The following BAAT variants were observed in gnomAD, a reference collection of about 807,000 sequenced individuals.
BAAT encodes bile acid-CoA:amino acid N-acyltransferase.
A neutral mutation model predicts 18.9 loss-of-function variants in BAAT; 13 were observed. The observed-to-expected ratio is 0.69, with a 90% CI of 0.45 to 1.10. BAAT has a LOEUF of 1.10. Ranked by LOEUF, BAAT falls within the 50% of genes least tolerant of loss-of-function variation. The probability of loss-of-function intolerance (pLI) is 0.00; values close to 1 mark genes in which losing one functional copy is unlikely to be tolerated. For missense variants in BAAT, 489 were observed against 504.0 expected, an observed-to-expected ratio of 0.97 and a Z score of 0.28; for synonymous variants, 170 against 190.7, an observed-to-expected ratio of 0.89 and a Z score of 0.89.
chr9:101,378,769 A>C (rs537098235), intron 1 of BAAT, among the ~76,000 whole-genome samples: 1 of 152,212 alleles, frequency 6.6e-6, no homozygotes, highest in Non-Finnish European at 1.5e-5. Flanking sequence ...CAGCAAAAGA[A>C]ACTATCATCA....
rs1409799404 is a variant in BAAT, at chr9:101,361,724, A to G, written c.*704T>C. On this transcript the variant is annotated 3_prime_UTR_variant, in exon 4 of 4. Coordinates refer to ENST00000259407, the MANE Select transcript of BAAT (RefSeq NM_001701.4). The stretch of plus-strand genomic sequence containing the variant: ...CTTTTATTAATTTTATTTTTAATAC[A>G]GATTTTCAGTAAGGGGCATTTTCAA... 1.3e-5 allele frequency: 2 copies of G among 152,648 alleles called. No individual in the cohort carries two copies. The highest frequency in any genetic ancestry group is 2.9e-5 in the Non-Finnish European group (2 of 68,078). 9.5% of individuals were successfully genotyped at this position (152,648 alleles called of 1,614,324 possible). A position where few individuals can be genotyped will look rare whatever the true frequency, so the allele number is the denominator to read the frequency against.
intron 1 of BAAT, among the ~76,000 whole-genome samples, chr9:101,371,682 C>T (rs982581729): frequency 3.9e-5 from 6 of 151,960 alleles, no homozygotes; most frequent in African/African-American, 1.5e-4. Flanking sequence ...AATAATGAAC[C>T]ACTGTTAAAG....
intron 1 of BAAT, among the ~76,000 whole-genome samples, chr9:101,383,075 G>C (rs1472553057): frequency 2.0e-5 from 3 of 152,138 alleles, no homozygotes; most frequent in African/African-American, 7.2e-5. Flanking sequence ...CCCAGAATAG[G>C]AGGGCTTATT....
chr9:101,379,855 C>G lies in BAAT; in HGVS notation c.-60+5000G>C, dbSNP rs1204325555. 3.3e-5 allele frequency among the ~76,000 whole-genome samples: 5 copies of G among 152,222 alleles called. No individual in the cohort carries two copies. In the East Asian group the frequency reaches 9.7e-4, roughly 29 times the overall value. The stretch of plus-strand genomic sequence containing the variant: ...CAAATTCTGTTTTTGATTGTAGTCC[C>G]TTGTGTGCATATTAATGTTATTTAT... On this transcript the variant is annotated intron_variant, in intron 1 of 3. Coordinates refer to ENST00000259407, the MANE Select transcript of BAAT (RefSeq NM_001701.4).
rs570341484 is a variant in BAAT, at chr9:101,361,264, G to A, written c.*1164C>T. 13 of 154,388 alleles carry A rather than the reference G, an allele frequency of 8.4e-5. No individual in the cohort carries two copies. The Middle Eastern group carries it at 5.3e-3, about 63-fold the overall frequency. 9.6% of individuals were successfully genotyped at this position (154,388 alleles called of 1,614,324 possible). ...TTAACTGACCCACTATATTCCTCAA[G>A]GATACTGCATTTGGACATAATACAA... On this transcript the variant is annotated 3_prime_UTR_variant, in exon 4 of 4. Coordinates refer to ENST00000259407, the MANE Select transcript of BAAT (RefSeq NM_001701.4).
chr9:101,362,973 C>A lies in BAAT; in HGVS notation c.712G>T (p.Val238Leu). 6.2e-7 allele frequency: 1 copy of A among 1,614,000 alleles called. No individual in the cohort carries two copies. The highest frequency in any genetic ancestry group is 8.5e-7 in the Non-Finnish European group (1 of 1,179,968). The change falls in exon 4 of 4, where the codon GTA (valine) becomes TTA (leucine). Residue 238 changes from valine to leucine, a missense_variant. By Grantham distance (32) the Val-to-Leu change is conservative (BLOSUM62 1). Coordinates refer to ENST00000259407, the MANE Select transcript of BAAT (RefSeq NM_001701.4). ...ATAGCCATAGATAGTCCAATCTGTA[C>A]TCCTTGACATACAGAGACTACCCCA... is the stretch of plus-strand genomic sequence containing the variant. ...GVGVVSVCQGVQIGLSMAIYL... is the reference protein window; with the variant it reads ...GVGVVSVCQGLQIGLSMAIYL...
intron 1 of BAAT, chr9:101,375,503 G>C (rs1830024216): frequency 6.3e-6 from 1 of 158,812 alleles, no homozygotes; most frequent in South Asian, 1.9e-4. Flanking sequence ...CGTTATGTCA[G>C]ATTGCTTCCA....
At chr9:101,378,423 T>G (rs1257256279) in intron 1 of BAAT, among the ~76,000 whole-genome samples, 2 of 151,966 alleles carry the variant, frequency 1.3e-5, no homozygotes, top group Non-Finnish European at 2.9e-5. Context: ...GAAATAACAC[T>G]ACACATCTAC....
intron 1 of BAAT, among the ~76,000 whole-genome samples, chr9:101,372,523 CT>C (rs1027529924): frequency 6.6e-6 from 1 of 151,390 alleles, no homozygotes; most frequent in African/African-American, 2.4e-5. Flanking sequence ...TGCCCATCTC[CT>C]TTTGATTAGT....
chr9:101,367,509 T>G (rs1401214471), intron 3 of BAAT, among the ~76,000 whole-genome samples: 1 of 151,906 alleles, frequency 6.6e-6, no homozygotes, highest in African/African-American at 2.4e-5. Context: ...ATCCTTTTTT[T>G]TTTTTTGCTT....
chr9:101,364,250 G>GC (rs1371609991), intron 3 of BAAT, among the ~76,000 whole-genome samples: 6 of 151,456 alleles, frequency 4.0e-5, no homozygotes, highest in African/African-American at 1.2e-4. Context: ...GACTTTTTTT[G>GC]CCCCCCGTGC....
rs1829736870 is a variant in BAAT, at chr9:101,362,148, T to C, written c.*280A>G. The C allele has an allele frequency of 1.1e-5, 6 of 538,232 alleles. No homozygotes were observed. Among genetic ancestry groups the C allele is most frequent in the Non-Finnish European group, 2.0e-5 (6 of 302,254 alleles). 33.3% of individuals were successfully genotyped at this position (538,232 alleles called of 1,614,324 possible). ...TTGCCTTTTCTTATTTTTGCCAGTG[T>C]ACTATACCTCAGTCCTATTTAGAAG... On this transcript the variant is annotated 3_prime_UTR_variant, in exon 4 of 4. Transcript: ENST00000259407.
intron 1 of BAAT, among the ~76,000 whole-genome samples, chr9:101,382,239 T>C (rs538461351): frequency 1.3e-5 from 2 of 152,232 alleles, no homozygotes; most frequent in African/African-American, 4.8e-5. Context: ...ACACCTGAAA[T>C]TGATAATTGG....
At chr9:101,366,758 A>T (rs182300863) in intron 3 of BAAT, among the ~76,000 whole-genome samples, 54 of 150,876 alleles carry the variant, frequency 3.6e-4, no homozygotes, top group African/African-American at 1.2e-3. Flanking sequence ...GATTGTCAGT[A>T]ATTGTTGCTT....
At chr9:101,376,411 T>C (rs1057509587) in intron 1 of BAAT, 1 of 171,858 alleles carries the variant, frequency 5.8e-6, no homozygotes, top group African/African-American at 2.4e-5. Context: ...TTCTGTTGAA[T>C]TCTCCATCAT....
chr9:101,380,693 C>T (rs1273594846), intron 1 of BAAT, among the ~76,000 whole-genome samples: 1 of 152,148 alleles, frequency 6.6e-6, no homozygotes, highest in Non-Finnish European at 1.5e-5. Context: ...TACCTATTAA[C>T]AGTAGGAGAT....
At chr9:101,372,623 G>T (rs1231969597) in intron 1 of BAAT, among the ~76,000 whole-genome samples, 18 of 134,236 alleles carry the variant, frequency 1.3e-4, no homozygotes, top group South Asian at 4.7e-4. Flanking sequence ...GGGGTTGTTG[G>T]TTTTTTTTTT....
chr9:101,371,867 G>A (rs943459517), intron 1 of BAAT, among the ~76,000 whole-genome samples: 1 of 152,134 alleles, frequency 6.6e-6, no homozygotes, highest in Admixed American at 6.5e-5. Flanking sequence ...TTGACTTCAC[G>A]CTAATCCCTT....
chr9:101,366,694 C>T (rs568947888), intron 3 of BAAT, among the ~76,000 whole-genome samples: 18 of 152,260 alleles, frequency 1.2e-4, no homozygotes, highest in African/African-American at 3.9e-4. Flanking sequence ...ATTTCGAGGG[C>T]AGTTCCATTA....
Sources: gnomAD v4.1 joint callset for allele counts (sites outside exome capture counted in the v4.1 genomes callset) on GRCh38, gnomAD v4.1.1 for gene constraint, MANE v1.5 for transcripts, NCBI Gene and HGNC (gene_info 2026-07-23, HGNC 2026-07-21) for gene names.